Variants in GUCY1A2 observed in about 807,000 individuals in gnomAD.
The protein encoded by GUCY1A2 is guanylate cyclase soluble subunit alpha-2.
Under a neutral mutation model 63.5 loss-of-function variants are expected in GUCY1A2, and 27 were observed. The observed-to-expected ratio is 0.43, with a 90% CI of 0.31 to 0.59. The LOEUF (loss-of-function observed/expected upper bound fraction) is 0.59. Among genes scored for constraint, GUCY1A2 ranks in the 20% least tolerant of loss-of-function variants. GUCY1A2 has a pLI of 0.11. For synonymous variants in GUCY1A2, 364 were observed against 343.5 expected (o/e 1.06, Z -0.66); for missense variants, 768 against 913.3 (o/e 0.84, Z 2.05).
At chr11:106,993,446 T>C (rs2120160765) in intron 1 of GUCY1A2, among the ~76,000 whole-genome samples, 2 of 152,278 alleles carry the variant, frequency 1.3e-5, no homozygotes, top group Middle Eastern at 3.4e-3. Flanking sequence ...GAGGTAATTG[T>C]GTAGTCATCA....
intron 3 of GUCY1A2, among the ~76,000 whole-genome samples, chr11:106,958,445 A>G (rs919807634): frequency 3.9e-5 from 6 of 152,198 alleles, no homozygotes; most frequent in African/African-American, 1.4e-4. Context: ...TAGTTCTAAT[A>G]TACCCTCATA....
chr11:107,002,532 T>C (rs1861624370), intron 1 of GUCY1A2, among the ~76,000 whole-genome samples: 1 of 152,120 alleles, frequency 6.6e-6, no homozygotes, highest in Non-Finnish European at 1.5e-5. Flanking sequence ...GTTCCCTCCA[T>C]ATGGTGTTCA....
At chr11:106,909,943 G>A (rs1290316838) in intron 4 of GUCY1A2, among the ~76,000 whole-genome samples, 1 of 151,952 alleles carries the variant, frequency 6.6e-6, no homozygotes, top group Non-Finnish European at 1.5e-5. Flanking sequence ...TCTTTGGAAG[G>A]TAAATTGGCA....
intron 3 of GUCY1A2, among the ~76,000 whole-genome samples, chr11:106,946,554 A>C (rs2120001275): frequency 6.6e-6 from 1 of 152,324 alleles, no homozygotes; most frequent in Non-Finnish European, 1.5e-5. Flanking sequence ...TGCAAGAAAA[A>C]AAGCAGCAAT....
Position 106,771,006 on chromosome 11 carries a change from T to C in GUCY1A2, c.1836+5433A>G, listed in dbSNP as rs1045695431. On this transcript the variant is annotated intron_variant, in intron 6 of 7. Transcript: ENST00000526355. ...ATAAAATGCACTGTCTTTGAACTAA[T>C]GAAGAAAATTTGAATTTGTATGCCT... Among the ~76,000 whole-genome samples, 11 of 151,998 alleles carry C rather than the reference T, an allele frequency of 7.2e-5. 1 individual carries two copies. The highest frequency in any genetic ancestry group is 7.2e-4 in the Admixed American group (11 of 15,256).
chr11:106,880,830 T>A (rs546103578), intron 4 of GUCY1A2, among the ~76,000 whole-genome samples: 3 of 152,242 alleles, frequency 2.0e-5, no homozygotes, highest in East Asian at 3.9e-4. Context: ...GTTTTATTAT[T>A]GTTGTTTGTT....
At chr11:106,901,751 C>T (rs1860136934) in intron 4 of GUCY1A2, among the ~76,000 whole-genome samples, 1 of 150,190 alleles carries the variant, frequency 6.7e-6, no homozygotes, top group African/African-American at 2.4e-5. Context: ...ATTTTTTGTT[C>T]TTGGGATAGT....
chr11:106,979,605 T>C (rs1234512916), intron 2 of GUCY1A2, among the ~76,000 whole-genome samples: 2 of 152,134 alleles, frequency 1.3e-5, no homozygotes, highest in Admixed American at 1.3e-4. Flanking sequence ...TCCTCTCTCA[T>C]AAAATGGAGG....
chr11:106,878,314 A>G (rs1182129777), intron 4 of GUCY1A2, among the ~76,000 whole-genome samples: 2 of 152,118 alleles, frequency 1.3e-5, no homozygotes, highest in African/African-American at 2.4e-5. Context: ...GTTCTGTCAT[A>G]AGGACACAAG....
chr11:106,839,590 CAA>C (rs943424892), intron 4 of GUCY1A2, among the ~76,000 whole-genome samples: 13 of 151,812 alleles, frequency 8.6e-5, no homozygotes, highest in African/African-American at 3.1e-4. Flanking sequence ...CTCACAATAG[CAA>C]AGACTTGGAA....
At chr11:106,906,594 T>G (rs904441137) in intron 4 of GUCY1A2, among the ~76,000 whole-genome samples, 1 of 152,020 alleles carries the variant, frequency 6.6e-6, no homozygotes, top group Non-Finnish European at 1.5e-5. Context: ...GGGTATACAC[T>G]CAAAGGATTA....
chr11:106,776,092 T>C (rs1481972489), intron 6 of GUCY1A2, among the ~76,000 whole-genome samples: 1 of 152,180 alleles, frequency 6.6e-6, no homozygotes, highest in Admixed American at 6.5e-5. Context: ...GCTTTTTTTG[T>C]GTTTTACTTC....
Position 106,709,603 on chromosome 11 carries a change from GTTATATA to G in GUCY1A2, c.1837-944_1837-938del, listed in dbSNP as rs1259040769. Among the ~76,000 whole-genome samples, 62 of 65,822 alleles carry G rather than the reference GTTATATA, an allele frequency of 9.4e-4. 5 individuals carry two copies. Among genetic ancestry groups the G allele is most frequent in the South Asian group, 1.6e-3 (3 of 1,846 alleles). The allele number at this position is 65,822 out of a possible 152,430, so 43.2% of individuals were successfully genotyped here. On this transcript the variant is annotated intron_variant, in intron 6 of 7. Coordinates refer to ENST00000526355, the MANE Select transcript of GUCY1A2 (RefSeq NM_000855.3). Reference sequence around the variant, plus strand: ...AATATATAGTTATATATAATATATAGTTATATATTATATACGTGTATATATTATATAC... The same window carrying G: ...AATATATAGTTATATATAATATATAGTTATATACGTGTATATATTATATAC...
At chr11:106,739,537 A>G (rs1156925091) in intron 6 of GUCY1A2, among the ~76,000 whole-genome samples, 1 of 152,178 alleles carries the variant, frequency 6.6e-6, no homozygotes, top group East Asian at 1.9e-4. Context: ...AAAGTCAGAG[A>G]GGGTAAGCAG....
chr11:106,767,971 A>C (rs967877577), intron 6 of GUCY1A2, among the ~76,000 whole-genome samples: 1 of 152,202 alleles, frequency 6.6e-6, no homozygotes, highest in Non-Finnish European at 1.5e-5. Flanking sequence ...AAAACGTTTA[A>C]ATATGTAGCT....
intron 4 of GUCY1A2, among the ~76,000 whole-genome samples, chr11:106,843,041 T>A (rs972818802): frequency 7.2e-5 from 11 of 152,054 alleles, no homozygotes; most frequent in African/African-American, 2.6e-4. Context: ...AAAAAGGTTC[T>A]ATTTATTTAT....
chr11:106,961,456 T>G (rs745571517), intron 3 of GUCY1A2, among the ~76,000 whole-genome samples: 1 of 152,190 alleles, frequency 6.6e-6, no homozygotes, highest in Non-Finnish European at 1.5e-5. Flanking sequence ...CTCAACACTA[T>G]TTAATTCCTA....
chr11:106,815,771 C>T (rs1175326895), intron 4 of GUCY1A2, among the ~76,000 whole-genome samples: 2 of 151,788 alleles, frequency 1.3e-5, no homozygotes, highest in Admixed American at 1.3e-4. Context: ...ACCACACATG[C>T]ACACAGACAC....
chr11:106,801,673 G>A (rs995854351), intron 5 of GUCY1A2, among the ~76,000 whole-genome samples: 3 of 151,984 alleles, frequency 2.0e-5, no homozygotes, highest in Admixed American at 6.6e-5. Context: ...GCACAACAGA[G>A]CCATCATACT....
Sources: gnomAD v4.1 joint callset for allele counts (sites outside exome capture counted in the v4.1 genomes callset) on GRCh38, gnomAD v4.1.1 for gene constraint, MANE v1.5 for transcripts, NCBI Gene and HGNC (gene_info 2026-07-23, HGNC 2026-07-21) for gene names.